The following NOTCH2NLC variants were observed in gnomAD, a reference collection of about 807,000 sequenced individuals.
The protein encoded by NOTCH2NLC is notch 2 N-terminal like C.
NOTCH2NLC carries 4 observed loss-of-function variants against 17.7 expected under a neutral mutation model. The ratio of observed to expected loss-of-function variants is 0.23; its 90% CI spans 0.11 to 0.52. The LOEUF is 0.52. Ranked by LOEUF, NOTCH2NLC falls within the 20% of genes least tolerant of loss-of-function variation. The probability of loss-of-function intolerance (pLI) is 0.96; values close to 1 mark genes in which losing one functional copy is unlikely to be tolerated. For missense variants in NOTCH2NLC, 57 were observed against 207.2 expected, an observed-to-expected ratio of 0.28 and a Z score of 4.45; for synonymous variants, 18 against 86.0, an observed-to-expected ratio of 0.21 and a Z score of 4.38.
rs1491152430 is a variant in NOTCH2NLC at position 149,466,244 on chromosome 1, A to ATG, written c.*2092_*2093insGT. 38 of 138,348 alleles carry ATG rather than the reference A, an allele frequency of 2.7e-4. No individual in the cohort carries two copies. Among genetic ancestry groups the ATG allele is most frequent in the African/African-American group, 9.7e-4 (35 of 35,940 alleles). 8.6% of individuals were successfully genotyped at this position (138,348 alleles called of 1,614,324 possible). A position where few individuals can be genotyped will look rare whatever the true frequency, so the allele number is the denominator to read the frequency against. On this transcript the variant is annotated 3_prime_UTR_variant, in exon 5 of 5. Coordinates refer to ENST00000650865, the MANE Select transcript of NOTCH2NLC (RefSeq NM_001364013.2). ...ATCAAATAGTACTTGTTACATATCA[A>ATG]TATGTGTGTGTGTGTGTGTGTGTGT... is the stretch of plus-strand genomic sequence containing the variant.
intron 1 of NOTCH2NLC, among the ~76,000 whole-genome samples, chr1:149,392,764 T>C (rs1195157500): frequency 6.6e-6 from 1 of 151,284 alleles, no homozygotes; most frequent in Non-Finnish European, 1.5e-5. Flanking sequence ...AATATGATTG[T>C]AAAGTGATTT....
intron 1 of NOTCH2NLC, among the ~76,000 whole-genome samples, chr1:149,428,656 G>A (rs1240715671): frequency 1.3e-5 from 2 of 149,572 alleles, no homozygotes; most frequent in African/African-American, 2.5e-5. Flanking sequence ...GGGAGCTGTC[G>A]CTGGTGGATC....
At chr1:149,398,843 C>CT in intron 1 of NOTCH2NLC, among the ~76,000 whole-genome samples, 1 of 151,884 alleles carries the variant, frequency 6.6e-6, no homozygotes, top group Non-Finnish European at 1.5e-5. Flanking sequence ...TGGCAGAACT[C>CT]TGGGTTATTT....
intron 1 of NOTCH2NLC, among the ~76,000 whole-genome samples, chr1:149,394,516 A>T (rs1407582288): frequency 1.3e-5 from 2 of 151,106 alleles, no homozygotes. Context: ...AGATGATATA[A>T]TAAATTCTCC....
At chr1:149,449,207 G>C (rs1184036678) in intron 2 of NOTCH2NLC, among the ~76,000 whole-genome samples, 1 of 150,896 alleles carries the variant, frequency 6.6e-6, no homozygotes, top group Admixed American at 6.6e-5. Flanking sequence ...ATCTTTCTAA[G>C]CTTCGAGTTC....
intron 1 of NOTCH2NLC, among the ~76,000 whole-genome samples, chr1:149,418,975 T>TTC (rs1207363637): frequency 1.3e-5 from 2 of 150,820 alleles, no homozygotes; most frequent in Non-Finnish European, 3.0e-5. Context: ...TTCCTTTCCT[T>TTC]TCTCTCTCTC....
In NOTCH2NLC at chr1:149,425,009, G is replaced by A. The variant is rs1414811474; in HGVS notation, c.136-5933G>A. 2.7e-4 allele frequency among the ~76,000 whole-genome samples: 41 copies of A among 151,474 alleles called. 1 individual carries two copies. The highest frequency in any genetic ancestry group is 9.7e-4 in the African/African-American group (40 of 41,350). On this transcript the variant is annotated intron_variant, in intron 1 of 4. Transcript: ENST00000650865. ...AACATTGGGGATTACGTTTCAACGT[G>A]AGATTTGGAAGGGACAAAATAGCCA...
At chr1:149,435,988 G>C (rs2084480143) in intron 2 of NOTCH2NLC, among the ~76,000 whole-genome samples, 1 of 146,622 alleles carries the variant, frequency 6.8e-6, no homozygotes, top group Non-Finnish European at 1.5e-5. Context: ...GTTTATGCCT[G>C]CTTTCAGTGA....
intron 1 of NOTCH2NLC, among the ~76,000 whole-genome samples, chr1:149,413,218 C>T (rs2084309364): frequency 6.6e-6 from 1 of 151,032 alleles, no homozygotes; most frequent in East Asian, 2.0e-4. Flanking sequence ...AGATGTCTGA[C>T]TTTTTAGCCC....
At chr1:149,413,275 G>A (rs2101473723) in intron 1 of NOTCH2NLC, among the ~76,000 whole-genome samples, 1 of 151,028 alleles carries the variant, frequency 6.6e-6, no homozygotes, top group African/African-American at 2.4e-5. Flanking sequence ...CCTTAGAAGT[G>A]CACCTGGAAA....
chr1:149,424,582 T>C (rs1160837049), intron 1 of NOTCH2NLC, among the ~76,000 whole-genome samples: 1 of 150,878 alleles, frequency 6.6e-6, no homozygotes, highest in Non-Finnish European at 1.5e-5. Flanking sequence ...ACATATATTG[T>C]TTATTTTACC....
intron 1 of NOTCH2NLC, among the ~76,000 whole-genome samples, chr1:149,412,131 C>CAAAAAAAAAAAAAAAAAAAA (rs1174642398): frequency 8.8e-6 from 1 of 114,034 alleles, no homozygotes; most frequent in Non-Finnish European, 1.8e-5. Flanking sequence ...AAAAAAAAAA[C>CAAAAAAAAAAAAAAAAAAAA]AAAAAAAAAA....
rs1489324344 is a variant in NOTCH2NLC at position 149,390,748 on chromosome 1, G to A, written c.-40G>A. ...CCTGAGCCTTTGAAGCAGGAGGAGG[G>A]GAGGAGAGAGTGGGGCTCCTCTATC... On this transcript the variant is annotated 5_prime_UTR_variant, in exon 1 of 5. Transcript: ENST00000650865. The A allele has an allele frequency of 5.6e-6, 7 of 1,247,390 alleles. 1 individual carries two copies. The African/African-American group carries it at 6.6e-5, about 12-fold the overall frequency. The allele number at this position is 1,247,390 out of a possible 1,614,324, so 77.3% of individuals were successfully genotyped here. A position where few individuals can be genotyped will look rare whatever the true frequency, so the allele number is the denominator to read the frequency against.
At chr1:149,454,672 CT>C (rs2084606906) in intron 2 of NOTCH2NLC, among the ~76,000 whole-genome samples, 1 of 150,896 alleles carries the variant, frequency 6.6e-6, no homozygotes, top group Non-Finnish European at 1.5e-5. Context: ...TTAAATATCC[CT>C]TTGAACTCTT....
intron 1 of NOTCH2NLC, among the ~76,000 whole-genome samples, chr1:149,419,260 T>C (rs2084365033): frequency 6.6e-6 from 1 of 150,676 alleles, no homozygotes; most frequent in Non-Finnish European, 1.5e-5. Context: ...GAGAAATCTT[T>C]TGACCTCTCT....
chr1:149,392,838 G>A lies in NOTCH2NLC; in HGVS notation c.135+1916G>A, dbSNP rs1434950512. Among the ~76,000 whole-genome samples, 7 of 150,920 alleles carry A rather than the reference G, an allele frequency of 4.6e-5. 2 individuals carry two copies. Among genetic ancestry groups the A allele is most frequent in the Admixed American group, 4.0e-4 (6 of 15,176 alleles). ...TGTAATCCCAGCACTTTGGGAGGCC[G>A]AGGCGGGCGGATCACGAGGTCAGGA... On this transcript the variant is annotated intron_variant, in intron 1 of 4. Transcript: ENST00000650865.
chr1:149,427,280 CA>C (rs1470424117), intron 1 of NOTCH2NLC, among the ~76,000 whole-genome samples: 1 of 148,052 alleles, frequency 6.8e-6, no homozygotes, highest in African/African-American at 2.5e-5. Flanking sequence ...CATTGATCAT[CA>C]GGCCCACAGC....
In NOTCH2NLC at chr1:149,400,138, TA is replaced by T. The variant is rs1442797618; in HGVS notation, c.135+9217del. Among the ~76,000 whole-genome samples, 16 of 142,150 alleles carry T rather than the reference TA, an allele frequency of 1.1e-4. 1 individual carries two copies. In the East Asian group the frequency reaches 1.4e-3, roughly 12 times the overall value. The allele number at this position is 142,150 out of a possible 152,430, so 93.3% of individuals were successfully genotyped here. ...TATATATATATATATATATAATATA[TA>T]TTTTTTTTTTAGTTTATGAACAGAT... On this transcript the variant is annotated intron_variant, in intron 1 of 4. Transcript: ENST00000650865.
At position 149,446,514 on chromosome 1, in the gene NOTCH2NLC, G is replaced by A. The variant is rs1397670620; in HGVS notation, c.210-8804G>A. On this transcript the variant is annotated intron_variant, in intron 2 of 4. Coordinates refer to ENST00000650865, the MANE Select transcript of NOTCH2NLC (RefSeq NM_001364013.2). ...GAAATGACACTTTTTTTTTTTTTGA[G>A]ATGGGGTTCTCACCATGTTGCCCGT... Among the ~76,000 whole-genome samples, 31 of 149,370 alleles carry A rather than the reference G, an allele frequency of 2.1e-4. 1 individual carries two copies. Among genetic ancestry groups the A allele is most frequent in the African/African-American group, 7.4e-4 (30 of 40,572 alleles).
Sources: gnomAD v4.1 joint callset for allele counts (sites outside exome capture counted in the v4.1 genomes callset) on GRCh38, gnomAD v4.1.1 for gene constraint, MANE v1.5 for transcripts, NCBI Gene and HGNC (gene_info 2026-07-23, HGNC 2026-07-21) for gene names.